Variants in TPM1 observed in about 807,000 individuals in gnomAD.
The protein encoded by TPM1 is tropomyosin 1, also known as tropomyosin alpha-1 chain.
A neutral mutation model predicts 42.9 loss-of-function variants in TPM1; 24 were observed. The observed-to-expected ratio is 0.56, with a 90% CI of 0.41 to 0.79. TPM1 has a LOEUF of 0.79. Ranked by LOEUF, TPM1 falls within the 30% of genes least tolerant of loss-of-function variation. The pLI, the probability that TPM1 is intolerant of heterozygous loss-of-function variation, is 0.00. For missense variants in TPM1, 158 were observed against 351.8 expected (o/e 0.45, Z 4.41); for synonymous variants, 136 against 130.1 (o/e 1.05, Z -0.31).
Position 63,061,771 on chromosome 15 carries a change from G to C in TPM1, c.622G>C (p.Glu208Gln). 6.2e-7 allele frequency: 1 copy of C among 1,614,166 alleles called. No homozygotes were observed. Among genetic ancestry groups the C allele is most frequent in the East Asian group, 2.2e-5 (1 of 44,886 alleles). Residue 208 changes from glutamate to glutamine, a missense_variant, in exon 6 of 10, where the codon GAG becomes CAG. Transcript: ENST00000403994. Reference sequence around the variant, plus strand: ...TGTGACGAACAACTTGAAGTCACTGGAGGCTCAGGCTGAGAAGGTAGGCCA... The same window carrying C: ...TGTGACGAACAACTTGAAGTCACTGCAGGCTCAGGCTGAGAAGGTAGGCCA... Reference protein sequence around the residue: ...KTVTNNLKSLEAQAEKYSQKE... With the variant: ...KTVTNNLKSLQAQAEKYSQKE...
At chr15:63,068,411 G>T (rs1442515209), downstream of TPM1, among the ~76,000 whole-genome samples, 1 of 152,208 alleles carries the variant, frequency 6.6e-6, no homozygotes, top group Admixed American at 6.5e-5. Flanking sequence ...TGAGCAAAGA[G>T]GACAGAGCAG....
chr15:63,048,882 G>C, intron 2 of TPM1: 7 of 788,598 alleles, frequency 8.9e-6, no homozygotes, highest in Non-Finnish European at 1.3e-5. Context: ...GGCCCGGCCT[G>C]TTCTCCTGAG....
At chr15:63,053,276 G>A (rs2034225869) in intron 2 of TPM1, among the ~76,000 whole-genome samples, 1 of 152,214 alleles carries the variant, frequency 6.6e-6, no homozygotes, top group African/African-American at 2.4e-5. Flanking sequence ...GTTAGGATCT[G>A]TGCCTGAGGC....
chr15:63,061,862 CACTT>C (rs1307800518), intron 6 of TPM1, 74 bp downstream of exon 6: 2 of 1,303,408 alleles, frequency 1.5e-6, no homozygotes, highest in East Asian at 2.3e-5. Flanking sequence ...CAGAAAGCAA[CACTT>C]ACAGTAGACA....
rs1329103152 is a variant in TPM1 at position 63,066,131 on chromosome 15, CATTTT to C, written c.*234_*238del. ...ATTCTTTTTACTTCTTATTTATTGA[CATTTT>C]AGTTTCAACATTGAATAAAACTACA... is the stretch of plus-strand genomic sequence containing the variant. On this transcript the variant is annotated 3_prime_UTR_variant, in exon 10 of 10. Transcript: ENST00000403994. 6.8e-7 allele frequency: 1 copy of C among 1,479,458 alleles called. No individual in the cohort carries two copies. The highest frequency in any genetic ancestry group is 8.9e-7 in the Non-Finnish European group (1 of 1,125,470). 91.6% of individuals were successfully genotyped at this position (1,479,458 alleles called of 1,614,324 possible). A position where few individuals can be genotyped will look rare whatever the true frequency, so the allele number is the denominator to read the frequency against.
rs928777755 is a variant in TPM1 at position 63,042,763 on chromosome 15, C to T, written c.-67C>T. On this transcript the variant is annotated 5_prime_UTR_variant, in exon 1 of 10. Transcript: ENST00000403994. ...CGGCTCCGCGCTCGCACTCCCGCTCCTCCGCCCGACCGCGCGCTCGCCCCG... is the reference window on the plus strand; with the variant it reads ...CGGCTCCGCGCTCGCACTCCCGCTCTTCCGCCCGACCGCGCGCTCGCCCCG... 8.6e-6 allele frequency: 12 copies of T among 1,398,798 alleles called. No homozygotes were observed. The highest frequency in any genetic ancestry group is 8.3e-5 in the South Asian group (7 of 84,390). The allele number at this position is 1,398,798 out of a possible 1,614,324, so 86.6% of individuals were successfully genotyped here. A position where few individuals can be genotyped will look rare whatever the true frequency, so the allele number is the denominator to read the frequency against.
chr15:63,064,241 A>C, intron 9 of TPM1, 99 bp downstream of exon 9: 1 of 1,548,196 alleles, frequency 6.5e-7, no homozygotes, highest in Non-Finnish European at 8.7e-7. Flanking sequence ...CCATCTTTGC[A>C]CTCTTGTGTT....
chr15:63,063,403 C>T, intron 8 of TPM1: 1 of 983,344 alleles, frequency 1.0e-6, no homozygotes, highest in Non-Finnish European at 1.2e-6. Context: ...AAACCTGCAG[C>T]ATTACAAAAA....
At chr15:63,068,007 C>G (rs891991815), downstream of TPM1, among the ~76,000 whole-genome samples, 1 of 152,230 alleles carries the variant, frequency 6.6e-6, no homozygotes, top group East Asian at 1.9e-4. Flanking sequence ...TACTGACCCT[C>G]TGGATTCTCC....
chr15:63,054,820 G>T (rs1437202215), intron 2 of TPM1, among the ~76,000 whole-genome samples: 1 of 152,098 alleles, frequency 6.6e-6, no homozygotes, highest in Admixed American at 6.5e-5. Flanking sequence ...TTGTTGTAGG[G>T]CTTTTGGTTT....
chr15:63,049,265 G>T (rs1323187080), intron 2 of TPM1: 4 of 170,188 alleles, frequency 2.4e-5, no homozygotes, highest in Non-Finnish European at 1.3e-5. Context: ...ACAGCGCCGC[G>T]TTCTGCTGGA....
intron 6 of TPM1, 105 bp from the exon 7 acceptor site, chr15:63,062,110 A>AG (rs1566966523): frequency 9.9e-7 from 1 of 1,006,176 alleles, no homozygotes; most frequent in Non-Finnish European, 1.6e-6. Context: ...TTACCTCCTA[A>AG]GAGATCCTTA....
intron 2 of TPM1, chr15:63,044,543 G>C (rs1196353280): frequency 2.2e-6 from 1 of 457,196 alleles, no homozygotes. Context: ...GCCGTTTCCA[G>C]TGGGTGGGAA....
chr15:63,061,173 G>A (rs2035569691), intron 5 of TPM1: 1 of 1,612,480 alleles, frequency 6.2e-7, no homozygotes, highest in African/African-American at 1.3e-5. Context: ...GAATGGCCTT[G>A]TGCATTTCCT....
chr15:63,054,851 T>A (rs2034523054), intron 2 of TPM1, among the ~76,000 whole-genome samples: 1 of 152,214 alleles, frequency 6.6e-6, no homozygotes, highest in African/African-American at 2.4e-5. Flanking sequence ...TTTTTTTGTG[T>A]GGCTTTAAAT....
chr15:63,068,601 T>C (rs1158173355), downstream of TPM1, among the ~76,000 whole-genome samples: 1 of 152,154 alleles, frequency 6.6e-6, no homozygotes. Context: ...TAGGTCCAAG[T>C]TGTCACCAGC....
intron 2 of TPM1, among the ~76,000 whole-genome samples, chr15:63,050,709 G>A (rs1455162357): frequency 6.6e-6 from 1 of 152,200 alleles, no homozygotes; most frequent in Non-Finnish European, 1.5e-5. Flanking sequence ...ACAGCAACTT[G>A]AAGACTGGAT....
At chr15:63,043,210 G>A (rs1009329589) in intron 1 of TPM1, 4 of 535,832 alleles carry the variant, frequency 7.5e-6, no homozygotes, top group Non-Finnish European at 1.3e-5. Context: ...TTATTCTCAG[G>A]ACTGGGAATC....
chr15:63,048,435 AG>A, intron 2 of TPM1: 16 of 1,349,874 alleles, frequency 1.2e-5, no homozygotes, highest in African/African-American at 1.6e-5. Flanking sequence ...TCCTGGCCGC[AG>A]GGGGCGCCGC....
Sources: gnomAD v4.1 joint callset for allele counts (sites outside exome capture counted in the v4.1 genomes callset) on GRCh38, gnomAD v4.1.1 for gene constraint, MANE v1.5 for transcripts, NCBI Gene and HGNC (gene_info 2026-07-23, HGNC 2026-07-21) for gene names.